AGAP1: variants seen among roughly 807,000 people sequenced by gnomAD.
AGAP1 encodes ArfGAP with GTPase domain, ankyrin repeat and PH domain 1.
AGAP1 carries 29 observed loss-of-function variants against 105.3 expected under a neutral mutation model. That is an observed-to-expected ratio of 0.28 (90% CI 0.21 to 0.38). The LOEUF (loss-of-function observed/expected upper bound fraction) is 0.38, where lower values mean the gene tolerates loss of function less well. AGAP1 is among the 10% of genes least tolerant of loss of function. The probability of loss-of-function intolerance (pLI) is 1.00; values close to 1 mark genes in which losing one functional copy is unlikely to be tolerated. For synonymous variants in AGAP1, 509 were observed against 485.9 expected, an observed-to-expected ratio of 1.05 and a Z score of -0.63; for missense variants, 998 against 1,165.1, an observed-to-expected ratio of 0.86 and a Z score of 2.09.
rs191625785 is a variant in AGAP1 at position 235,732,941 on chromosome 2, G to A, written c.311-8022G>A. On this transcript the variant is annotated intron_variant, in intron 3 of 17. Transcript: ENST00000304032. The surrounding 1 kb of genome is among the most constrained non-coding windows in gnomAD (Gnocchi z 4.8). ...CCCAGGGGTGTTGGGGGCATCTTTCGAGTCTCACTGCCCACGCTGTGGGAG... is the reference window on the plus strand; with the variant it reads ...CCCAGGGGTGTTGGGGGCATCTTTCAAGTCTCACTGCCCACGCTGTGGGAG... 1.5e-3 allele frequency among the ~76,000 whole-genome samples: 235 copies of A among 152,268 alleles called. 1 individual carries two copies. Among genetic ancestry groups the A allele is most frequent in the African/African-American group, 4.9e-3 (205 of 41,560 alleles).
intron 9 of AGAP1, among the ~76,000 whole-genome samples, chr2:235,820,694 T>C (rs1158591369): frequency 1.3e-5 from 2 of 152,218 alleles, no homozygotes; most frequent in Admixed American, 6.5e-5. Context: ...TATACAAATA[T>C]ATAAAACAGC....
intron 9 of AGAP1, among the ~76,000 whole-genome samples, chr2:235,841,769 C>A (rs1221053043): frequency 6.6e-6 from 1 of 152,132 alleles, no homozygotes; most frequent in African/African-American, 2.4e-5. Context: ...GGGACGATTC[C>A]TTCCAGACAG....
chr2:235,900,038 C>T lies in AGAP1; in HGVS notation c.1156-8700C>T, dbSNP rs1575732884. On this transcript the variant is annotated intron_variant, in intron 10 of 17. Transcript: ENST00000304032. The surrounding 1 kb of genome is among the most constrained non-coding windows in gnomAD (Gnocchi z 5.5). ...TGGACTTGAGCCCACGCATGTTGGACACTGGCCTCCGCAGCACATGAAGCA... is the reference window on the plus strand; with the variant it reads ...TGGACTTGAGCCCACGCATGTTGGATACTGGCCTCCGCAGCACATGAAGCA... Among the ~76,000 whole-genome samples the T allele has an allele frequency of 6.6e-6, 1 of 152,316 alleles. No individual in the cohort carries two copies. Among genetic ancestry groups the T allele is most frequent in the East Asian group, 1.9e-4 (1 of 5,182 alleles).
rs1269276484 is a variant in AGAP1, at chr2:236,101,673, T to C, written c.2115-18519T>C. 1.3e-4 allele frequency among the ~76,000 whole-genome samples: 20 copies of C among 152,208 alleles called. No homozygotes were observed. The highest frequency in any genetic ancestry group is 4.4e-5 in the Non-Finnish European group (3 of 68,040). ...TCCCTTATCTGTTTATGATGCGATA[T>C]GTTCCAAAGCCGATCACATCAGCCG... On this transcript the variant is annotated intron_variant, in intron 16 of 17. Transcript: ENST00000304032. The surrounding 1 kb of genome is among the most constrained non-coding windows in gnomAD (Gnocchi z 4.9).
chr2:235,672,208 G>C (rs950582613), intron 1 of AGAP1, among the ~76,000 whole-genome samples: 1 of 152,182 alleles, frequency 6.6e-6, no homozygotes, highest in African/African-American at 2.4e-5. Context: ...CAGGTCAGCT[G>C]ACTGCCCCTA....
intron 6 of AGAP1, among the ~76,000 whole-genome samples, chr2:235,759,440 A>C (rs560155897): frequency 6.6e-6 from 1 of 152,188 alleles, no homozygotes; most frequent in African/African-American, 2.4e-5. Flanking sequence ...AAGTGCTGGG[A>C]TTACAGGCGT....
intron 5 of AGAP1, among the ~76,000 whole-genome samples, chr2:235,745,649 C>T (rs148330627): frequency 1.3e-5 from 2 of 152,282 alleles, no homozygotes; most frequent in African/African-American, 2.4e-5. Context: ...GACTGTTTTG[C>T]GAATTCTTTT....
intron 3 of AGAP1, among the ~76,000 whole-genome samples, chr2:235,722,909 TACAC>T (rs1000744199): frequency 6.6e-6 from 1 of 151,840 alleles, no homozygotes; most frequent in African/African-American, 2.4e-5. Flanking sequence ...AAAAAAATTA[TACAC>T]ACACTAAAAA....
chr2:235,617,403 A>G (rs547165751), intron 1 of AGAP1, among the ~76,000 whole-genome samples: 1 of 152,300 alleles, frequency 6.6e-6, no homozygotes, highest in South Asian at 2.1e-4. Context: ...TTGTTGTTGT[A>G]AAGAACATTT....
In AGAP1 at chr2:235,790,613, C is replaced by T. The variant is rs116110126; in HGVS notation, c.674-7146C>T. ...CCATTGCCTTAAGGACAACTTCACA[C>T]TTGCCACTCTTCTCTGCATATCAGG... On this transcript the variant is annotated intron_variant, in intron 6 of 17. Coordinates refer to ENST00000304032, the MANE Select transcript of AGAP1 (RefSeq NM_001037131.3). Among the ~76,000 whole-genome samples, 870 of 152,300 alleles carry T rather than the reference C, an allele frequency of 5.7e-3. 7 individuals are homozygous for T. Among genetic ancestry groups the T allele is most frequent in the African/African-American group, 0.02 (841 of 41,544 alleles).
intron 6 of AGAP1, chr2:235,775,865 G>T (rs1955821304): frequency 6.6e-6 from 1 of 152,192 alleles, no homozygotes; most frequent in African/African-American, 2.4e-5. Context: ...TTTCAAGGAG[G>T]TTGTGCAGAA....
chr2:235,643,318 C>T (rs903668890), intron 1 of AGAP1, among the ~76,000 whole-genome samples: 4 of 151,248 alleles, frequency 2.6e-5, no homozygotes, highest in African/African-American at 4.9e-5. Flanking sequence ...GTAGTCCCAG[C>T]TCCTCGGGAG....
intron 12 of AGAP1, among the ~76,000 whole-genome samples, chr2:235,949,812 C>T (rs2053657766): frequency 6.6e-6 from 1 of 152,156 alleles, no homozygotes; most frequent in South Asian, 2.1e-4. Context: ...CTGTGCTCGT[C>T]TCTGATCACC....
chr2:235,779,145 A>G (rs1956100871), intron 6 of AGAP1, among the ~76,000 whole-genome samples: 1 of 152,236 alleles, frequency 6.6e-6, no homozygotes, highest in Non-Finnish European at 1.5e-5. Flanking sequence ...TACCAAGAAC[A>G]CAGACTCATC....
intron 16 of AGAP1, among the ~76,000 whole-genome samples, chr2:236,059,152 C>T (rs1364819018): frequency 6.6e-5 from 10 of 150,774 alleles, no homozygotes; most frequent in Admixed American, 5.9e-4. Context: ...AATAACAAGA[C>T]CGTATCTTTA....
chr2:235,984,271 G>A (rs935082813), intron 13 of AGAP1, among the ~76,000 whole-genome samples: 1 of 152,114 alleles, frequency 6.6e-6, no homozygotes, highest in Admixed American at 6.5e-5. Context: ...TCCATAGTGT[G>A]GATTTACAAC....
rs577924197 is a variant in AGAP1 at position 235,992,169 on chromosome 2, G to C, written c.1645+23546G>C. Among the ~76,000 whole-genome samples the C allele has an allele frequency of 6.6e-6, 1 of 151,502 alleles. No homozygotes were observed. The highest frequency in any genetic ancestry group is 1.9e-4 in the East Asian group (1 of 5,146). ...CGGAGGAGCCTGTCTTCCTGGGTCC[G>C]AGTTGCGTGGTTAGGAGCGCAGCGG... is the stretch of plus-strand genomic sequence containing the variant. On this transcript the variant is annotated intron_variant, in intron 13 of 17. Coordinates refer to ENST00000304032, the MANE Select transcript of AGAP1 (RefSeq NM_001037131.3). This position sits in a 1 kb window ranked among gnomAD's most constrained non-coding sequence, Gnocchi z 4.8.
At chr2:235,935,566 T>C (rs1325910598) in intron 12 of AGAP1, among the ~76,000 whole-genome samples, 1 of 152,146 alleles carries the variant, frequency 6.6e-6, no homozygotes, top group African/African-American at 2.4e-5. Flanking sequence ...CCTGTTGTGG[T>C]TTAAACTGTT....
intron 1 of AGAP1, among the ~76,000 whole-genome samples, chr2:235,606,125 A>C (rs11676226): frequency 6.6e-6 from 1 of 152,078 alleles, no homozygotes; most frequent in Non-Finnish European, 1.5e-5. Flanking sequence ...AAGATCGGCC[A>C]TTTCCCCGGC....
Sources: gnomAD v4.1 joint callset for allele counts (sites outside exome capture counted in the v4.1 genomes callset) on GRCh38, gnomAD v4.1.1 for gene constraint, Gnocchi (gnomAD v3.1) non-coding constraint, MANE v1.5 for transcripts, NCBI Gene and HGNC (gene_info 2026-07-23, HGNC 2026-07-21) for gene names.